Variants in IMMP2L observed in about 807,000 individuals in gnomAD.
The protein encoded by IMMP2L is inner mitochondrial membrane peptidase subunit 2.
Under a neutral mutation model 19.3 loss-of-function variants are expected in IMMP2L, and 18 were observed. The observed-to-expected ratio is 0.93, with a 90% confidence interval of 0.64 to 1.38. The LOEUF (loss-of-function observed/expected upper bound fraction) is 1.38. Ranked by LOEUF, IMMP2L falls within the 40% of genes most tolerant of loss-of-function variation. The pLI is 0.00. For missense variants in IMMP2L, 233 were observed against 218.2 expected (o/e 1.07, Z -0.43); for synonymous variants, 76 against 73.0 (o/e 1.04, Z -0.21).
At chr7:111,331,182 C>T (rs1453605675) in intron 3 of IMMP2L, among the ~76,000 whole-genome samples, 1 of 151,874 alleles carries the variant, frequency 6.6e-6, no homozygotes, top group Non-Finnish European at 1.5e-5. Flanking sequence ...AACCTAAGTG[C>T]CCATCAATGG....
rs143435397 is a variant in IMMP2L, at chr7:110,801,685, T to C, written c.408+84908A>G. Among the ~76,000 whole-genome samples, 514 of 152,212 alleles carry C rather than the reference T, an allele frequency of 3.4e-3. 3 individuals are homozygous for C. The highest frequency in any genetic ancestry group is 0.012 in the African/African-American group (487 of 41,552). On this transcript the variant is annotated intron_variant, in intron 5 of 5. Transcript: ENST00000405709. ...TGATACTGAAAAAGGAAGTAGGTCA[T>C]GGTTAGTCATTCACAGAGAGAGTCC...
At position 110,826,132 on chromosome 7, in the gene IMMP2L, A is replaced by G. The variant is rs1167852218; in HGVS notation, c.408+60461T>C. ...CAGAGAAATGCAAATCAAAGCCACA[A>G]TGAGATACCATCTCACACCAGTTAG... On this transcript the variant is annotated intron_variant, in intron 5 of 5. Coordinates refer to ENST00000405709, the MANE Select transcript of IMMP2L (RefSeq NM_032549.4). Among the ~76,000 whole-genome samples, 22 of 152,366 alleles carry G rather than the reference A, an allele frequency of 1.4e-4. No homozygotes were observed. In the East Asian group the frequency reaches 2.7e-3, roughly 19 times the overall value.
chr7:110,753,754 G>A (rs1404189970), intron 5 of IMMP2L, among the ~76,000 whole-genome samples: 2 of 144,812 alleles, frequency 1.4e-5, no homozygotes. Flanking sequence ...TGAGTGTGGG[G>A]TGTGTGTGTG....
intron 3 of IMMP2L, among the ~76,000 whole-genome samples, chr7:110,966,708 T>A (rs1193767082): frequency 6.6e-6 from 1 of 152,160 alleles, no homozygotes; most frequent in East Asian, 1.9e-4. Context: ...AATTTCAGAA[T>A]GAAAAAAGCT....
intron 3 of IMMP2L, among the ~76,000 whole-genome samples, chr7:111,020,259 C>A (rs1043807274): frequency 6.6e-6 from 1 of 152,024 alleles, no homozygotes; most frequent in East Asian, 1.9e-4. Context: ...TGGCTTATGC[C>A]TGTAATCCCA....
At chr7:111,524,066 C>T (rs1219958785) in intron 1 of IMMP2L, among the ~76,000 whole-genome samples, 1 of 151,976 alleles carries the variant, frequency 6.6e-6, no homozygotes, top group African/African-American at 2.4e-5. Context: ...AAAGAATAAC[C>T]TTGACATATT....
intron 5 of IMMP2L, among the ~76,000 whole-genome samples, chr7:110,750,270 T>C (rs538348310): frequency 3.8e-4 from 58 of 151,934 alleles, no homozygotes; most frequent in Non-Finnish European, 1.2e-4. Flanking sequence ...TTTTTGTCAA[T>C]ACAAAGCAAG....
At chr7:111,179,354 C>T (rs1807444455) in intron 3 of IMMP2L, among the ~76,000 whole-genome samples, 1 of 152,076 alleles carries the variant, frequency 6.6e-6, no homozygotes, top group African/African-American at 2.4e-5. Flanking sequence ...CATAAACTTT[C>T]TTAAAACATT....
intron 3 of IMMP2L, among the ~76,000 whole-genome samples, chr7:111,410,369 G>C (rs538664598): frequency 6.6e-6 from 1 of 151,724 alleles, no homozygotes; most frequent in South Asian, 2.1e-4. Context: ...AAAAAGTGGA[G>C]GGTGGTGGGG....
chr7:111,288,608 A>G (rs533071389), intron 3 of IMMP2L, among the ~76,000 whole-genome samples: 1 of 152,338 alleles, frequency 6.6e-6, no homozygotes, highest in Admixed American at 6.5e-5. Flanking sequence ...AAGTGGGCGA[A>G]GGGTATGAAC....
chr7:111,463,617 C>T lies in IMMP2L; in HGVS notation c.239+23621G>A, dbSNP rs936624787. Among the ~76,000 whole-genome samples the T allele has an allele frequency of 1.1e-4, 16 of 152,154 alleles. No homozygotes were observed. The East Asian group carries it at 1.2e-3, about 11-fold the overall frequency. On this transcript the variant is annotated intron_variant, in intron 3 of 5. Transcript: ENST00000405709. ...TTTCCCTGTCCACTAGCCCCGCTCC[C>T]ATAATTCTAGCTCTCACCAGAATGG... is the stretch of plus-strand genomic sequence containing the variant.
intron 3 of IMMP2L, among the ~76,000 whole-genome samples, chr7:111,093,286 A>G (rs1797057179): frequency 6.6e-6 from 1 of 152,120 alleles, no homozygotes; most frequent in Non-Finnish European, 1.5e-5. Flanking sequence ...GCAATCTATA[A>G]AAAAAACCAA....
intron 5 of IMMP2L, among the ~76,000 whole-genome samples, chr7:110,737,914 G>A (rs886228494): frequency 1.3e-5 from 2 of 152,136 alleles, no homozygotes; most frequent in African/African-American, 4.8e-5. Context: ...GTACCAGCCT[G>A]GAACCTGGTA....
At chr7:111,183,375 A>T (rs1468462154) in intron 3 of IMMP2L, among the ~76,000 whole-genome samples, 1 of 152,108 alleles carries the variant, frequency 6.6e-6, no homozygotes, top group African/African-American at 2.4e-5. Context: ...TTCCATAAAG[A>T]TCAAACTAAT....
chr7:111,008,453 A>G (rs1406073703), intron 3 of IMMP2L, among the ~76,000 whole-genome samples: 1 of 151,972 alleles, frequency 6.6e-6, no homozygotes, highest in Non-Finnish European at 1.5e-5. Flanking sequence ...TCTCTGGTCA[A>G]ATGTTGTATT....
At chr7:111,450,802 C>G (rs186444160) in intron 3 of IMMP2L, among the ~76,000 whole-genome samples, 4,774 of 149,380 alleles carry the variant, frequency 0.032, 129 homozygotes, top group Non-Finnish European at 0.048. Flanking sequence ...ATTTTCACAA[C>G]CTACTCATCT....
chr7:111,530,326 T>C (rs1248786656), intron 1 of IMMP2L, among the ~76,000 whole-genome samples: 2 of 152,164 alleles, frequency 1.3e-5, no homozygotes, highest in African/African-American at 4.8e-5. Flanking sequence ...GGAAGAGGAC[T>C]AGTAATAACA....
At chr7:110,944,450 AGTGTGT>A (rs925687102) in intron 4 of IMMP2L, among the ~76,000 whole-genome samples, 1 of 147,444 alleles carries the variant, frequency 6.8e-6, no homozygotes, top group South Asian at 2.1e-4. Context: ...AAGCACATAG[AGTGTGT>A]GTGTGTGCGC....
At chr7:110,839,344 AT>A (rs1433206414) in intron 5 of IMMP2L, among the ~76,000 whole-genome samples, 2 of 152,158 alleles carry the variant, frequency 1.3e-5, no homozygotes, top group Non-Finnish European at 2.9e-5. Context: ...AAAAAAGTCT[AT>A]TAGGATAATT....
Sources: gnomAD v4.1 joint callset for allele counts (sites outside exome capture counted in the v4.1 genomes callset) on GRCh38, gnomAD v4.1.1 for gene constraint, MANE v1.5 for transcripts, NCBI Gene and HGNC (gene_info 2026-07-23, HGNC 2026-07-21) for gene names.